Variants in CALCOCO2 observed in about 807,000 individuals in gnomAD.
The protein encoded by CALCOCO2 is calcium-binding and coiled-coil domain-containing protein 2.
CALCOCO2 carries 42 observed loss-of-function variants against 62.5 expected under a neutral mutation model. That is an observed-to-expected ratio of 0.67 (90% CI 0.53 to 0.87). CALCOCO2 has a LOEUF of 0.87. Ranked by LOEUF, CALCOCO2 falls within the 40% of genes least tolerant of loss-of-function variation. The probability of loss-of-function intolerance (pLI) is 0.00; values close to 1 mark genes in which losing one functional copy is unlikely to be tolerated. For synonymous variants in CALCOCO2, 167 were observed against 173.0 expected (o/e 0.97, Z 0.27); for missense variants, 456 against 515.0 (o/e 0.89, Z 1.11).
intron 1 of CALCOCO2, among the ~76,000 whole-genome samples, chr17:48,839,823 G>A (rs1321533655): frequency 6.6e-6 from 1 of 151,586 alleles, no homozygotes; most frequent in African/African-American, 2.4e-5. Context: ...TTGCAGGCAT[G>A]TGCCACCACG....
At chr17:48,853,084 T>G (rs1164988930) in intron 9 of CALCOCO2, 72 bp downstream of exon 9, 1 of 1,011,044 alleles carries the variant, frequency 9.9e-7, no homozygotes. Flanking sequence ...ATGGGCCTAT[T>G]TTCCGGTTGA....
At chr17:48,840,407 A>G (rs2039961101) in intron 1 of CALCOCO2, among the ~76,000 whole-genome samples, 1 of 152,200 alleles carries the variant, frequency 6.6e-6, no homozygotes. Flanking sequence ...CTGGGATTAC[A>G]GGTGTGAGCC....
intron 7 of CALCOCO2, 180 bp downstream of exon 7, chr17:48,851,808 A>C: frequency 5.8e-6 from 3 of 520,836 alleles, no homozygotes; most frequent in Non-Finnish European, 1.0e-5. Flanking sequence ...CCTCCACCCT[A>C]CCCATGCCCC....
rs568745946 is a variant in CALCOCO2, at chr17:48,858,415, C to G, written c.1009-1899C>G. Among the ~76,000 whole-genome samples, 222 of 152,108 alleles carry G rather than the reference C, an allele frequency of 1.5e-3. 1 individual carries two copies. The highest frequency in any genetic ancestry group is 5.2e-3 in the African/African-American group (215 of 41,504). ...CACCATCTTGGCTCACTGCAACCTC[C>G]ACCTCCCAGATTCAAGTGATTCTTG... On this transcript the variant is annotated intron_variant, in intron 10 of 12. Transcript: ENST00000258947.
intron 6 of CALCOCO2, 180 bp from the exon 7 acceptor site, chr17:48,851,379 A>C: frequency 1.6e-6 from 1 of 623,194 alleles, no homozygotes; most frequent in East Asian, 2.7e-5. Flanking sequence ...TATTAACTTT[A>C]GGGATTGAAT....
At chr17:48,858,021 A>AGACTAGACTAGACTAGACTAGAC in intron 10 of CALCOCO2, among the ~76,000 whole-genome samples, 1 of 13,960 alleles carries the variant, frequency 7.2e-5, no homozygotes, top group South Asian at 8.5e-3. Flanking sequence ...ATAGAATAGA[A>AGACTAGACTAGACTAGACTAGAC]TAGAATAGAA....
Position 48,854,378 on chromosome 17 carries a change from T to TTTTATATATATATATATATATATATATA in CALCOCO2, c.912+1367_912+1368insTTATATATATATATATATATATATATAT, listed in dbSNP as rs1489635512. Reference sequence around the variant, plus strand: ...AGGTATGGATTTCCTTGGTTTTCTTTTATTTATATATATATATATTTTTTT... The same window carrying TTTTATATATATATATATATATATATATA: ...AGGTATGGATTTCCTTGGTTTTCTTTTTTATATATATATATATATATATATATATATTTATATATATATATATTTTTTT... On this transcript the variant is annotated intron_variant, in intron 9 of 12. Transcript: ENST00000258947. Among the ~76,000 whole-genome samples, 7 of 12,156 alleles carry TTTTATATATATATATATATATATATATA rather than the reference T, an allele frequency of 5.8e-4. 1 individual carries two copies. Among genetic ancestry groups the TTTTATATATATATATATATATATATATA allele is most frequent in the East Asian group, 0.018 (2 of 112 alleles). The allele number at this position is 12,156 out of a possible 152,430, so 8.0% of individuals were successfully genotyped here. A position where few individuals can be genotyped will look rare whatever the true frequency, so the allele number is the denominator to read the frequency against.
intron 1 of CALCOCO2, among the ~76,000 whole-genome samples, chr17:48,838,539 C>T (rs1342765351): frequency 6.6e-6 from 1 of 151,880 alleles, no homozygotes; most frequent in Non-Finnish European, 1.5e-5. Context: ...ACGGTGAAAC[C>T]CTGTGTCTAC....
At chr17:48,862,100 T>A (rs2040336985) in intron 11 of CALCOCO2, among the ~76,000 whole-genome samples, 176 bp from the exon 12 acceptor site, 3 of 151,880 alleles carry the variant, frequency 2.0e-5, no homozygotes, top group Admixed American at 6.6e-5. Flanking sequence ...TTTCACCTTA[T>A]CATTGACCTA....
At position 48,854,054 on chromosome 17, in the gene CALCOCO2, G is replaced by A. The variant is rs551461159; in HGVS notation, c.912+1042G>A. Among the ~76,000 whole-genome samples, 17 of 152,048 alleles carry A rather than the reference G, an allele frequency of 1.1e-4. No individual in the cohort carries two copies. In the South Asian group the frequency reaches 2.3e-3, roughly 20 times the overall value. On this transcript the variant is annotated intron_variant, in intron 9 of 12. Transcript: ENST00000258947. ...GTCCCGGCTGGGTGCGGTGGCTCGC[G>A]CCTGTAATCCCAGCACTTTGGGAGG...
Position 48,863,132 on chromosome 17 carries a change from G to T in CALCOCO2, c.*127G>T. On this transcript the variant is annotated 3_prime_UTR_variant, in exon 13 of 13. Coordinates refer to ENST00000258947, the MANE Select transcript of CALCOCO2 (RefSeq NM_005831.5). ...TAGGGATTTACTCAGCCCTGCTGCC[G>T]CTAACAGTGGAGTTATGTCACTGAT... The T allele has an allele frequency of 1.4e-6, 1 of 719,178 alleles. No individual in the cohort carries two copies. The allele number at this position is 719,178 out of a possible 1,614,324, so 44.5% of individuals were successfully genotyped here. A position where few individuals can be genotyped will look rare whatever the true frequency, so the allele number is the denominator to read the frequency against.
chr17:48,833,196 A>G (rs622648), intron 1 of CALCOCO2, among the ~76,000 whole-genome samples: 149,184 of 152,328 alleles, frequency 0.98, 73,149 homozygotes, highest in East Asian at 1. Flanking sequence ...TTTCTGCCAT[A>G]GCCAGGGAGA....
In CALCOCO2 at chr17:48,849,123, C is replaced by T. The variant is rs2040091996; in HGVS notation, c.418-129C>T. On this transcript the variant is annotated intron_variant, in intron 4 of 12. Coordinates refer to ENST00000258947, the MANE Select transcript of CALCOCO2 (RefSeq NM_005831.5). Reference sequence around the variant, plus strand: ...ATACCCTTACCTAGGTATTAAGGAGCAGCCCCCATCTGGGATACATAGGTG... The same window carrying T: ...ATACCCTTACCTAGGTATTAAGGAGTAGCCCCCATCTGGGATACATAGGTG... 3.8e-6 allele frequency: 3 copies of T among 791,544 alleles called. No individual in the cohort carries two copies. In the African/African-American group the frequency reaches 5.2e-5, roughly 14 times the overall value. The allele number at this position is 791,544 out of a possible 1,614,324, so 49.0% of individuals were successfully genotyped here.
chr17:48,860,227 C>A (rs950917851), intron 10 of CALCOCO2, 87 bp from the exon 11 acceptor site: 66 of 991,008 alleles, frequency 6.7e-5, no homozygotes, highest in Admixed American at 5.4e-4. Flanking sequence ...TAATTGAGAA[C>A]TACCTGGGAG....
intron 1 of CALCOCO2, among the ~76,000 whole-genome samples, chr17:48,832,841 A>C (rs1272887025): frequency 6.6e-6 from 1 of 152,210 alleles, no homozygotes; most frequent in Non-Finnish European, 1.5e-5. Flanking sequence ...CTGATGTCCC[A>C]GAACTATTTT....
At chr17:48,836,158 G>A (rs1354172556) in intron 1 of CALCOCO2, among the ~76,000 whole-genome samples, 1 of 152,200 alleles carries the variant, frequency 6.6e-6, no homozygotes, top group African/African-American at 2.4e-5. Context: ...CAGCTTGCCA[G>A]AGTTTGAGTG....
At chr17:48,857,672 C>A (rs1441026839) in intron 10 of CALCOCO2, among the ~76,000 whole-genome samples, 1 of 149,666 alleles carries the variant, frequency 6.7e-6, no homozygotes, top group Non-Finnish European at 1.5e-5. Flanking sequence ...TTTAAAATTG[C>A]GGTTAAAACA....
chr17:48,858,049 T>TAGAATAG (rs2040263889), intron 10 of CALCOCO2, among the ~76,000 whole-genome samples: 1 of 113,672 alleles, frequency 8.8e-6, no homozygotes, highest in Non-Finnish European at 2.0e-5. Flanking sequence ...GAATAGAAAA[T>TAGAATAG]AGAATAGAAT....
intron 2 of CALCOCO2, among the ~76,000 whole-genome samples, chr17:48,847,524 C>A (rs919952609): frequency 6.6e-6 from 1 of 152,102 alleles, no homozygotes; most frequent in African/African-American, 2.4e-5. Flanking sequence ...TGTGTATGTG[C>A]ACCCCAATTT....
Sources: gnomAD v4.1 joint callset for allele counts (sites outside exome capture counted in the v4.1 genomes callset) on GRCh38, gnomAD v4.1.1 for gene constraint, MANE v1.5 for transcripts, NCBI Gene and HGNC (gene_info 2026-07-23, HGNC 2026-07-21) for gene names.